The following PTPRG variants were observed in gnomAD, a reference collection of about 807,000 sequenced individuals.
PTPRG encodes the protein receptor-type tyrosine-protein phosphatase gamma.
A neutral mutation model predicts 165.3 loss-of-function variants in PTPRG; 102 were observed. The ratio of observed to expected loss-of-function variants is 0.62; its 90% CI spans 0.53 to 0.73. PTPRG has a LOEUF of 0.73. Among genes scored for constraint, PTPRG ranks in the 30% least tolerant of loss-of-function variants. PTPRG has a pLI of 0.00. For missense variants in PTPRG, 1,866 were observed against 1,861.4 expected, an observed-to-expected ratio of 1.00 and a Z score of -0.05; for synonymous variants, 675 against 669.5, an observed-to-expected ratio of 1.01 and a Z score of -0.13.
rs1233679653 is a variant in PTPRG at position 61,995,080 on chromosome 3, C to CTTTTTTTTT, written c.370+5279_370+5280insTTTTTTTTT. 2.1e-4 allele frequency among the ~76,000 whole-genome samples: 23 copies of CTTTTTTTTT among 107,384 alleles called. 1 individual carries two copies. Among genetic ancestry groups the CTTTTTTTTT allele is most frequent in the East Asian group, 1.1e-3 (4 of 3,696 alleles). 70.4% of individuals were successfully genotyped at this position (107,384 alleles called of 152,430 possible). ...TTCTTTTTTCTTTTTTCTTTTCTTTCTTTCTTTTTTTTTTTTTTTTTTTTT... is the reference window on the plus strand; with the variant it reads ...TTCTTTTTTCTTTTTTCTTTTCTTTCTTTTTTTTTTTTCTTTTTTTTTTTTTTTTTTTTT... On this transcript the variant is annotated intron_variant, in intron 3 of 29. Coordinates refer to ENST00000474889, the MANE Select transcript of PTPRG (RefSeq NM_002841.4).
At chr3:61,877,208 T>G (rs973476407) in intron 2 of PTPRG, among the ~76,000 whole-genome samples, 1 of 152,232 alleles carries the variant, frequency 6.6e-6, no homozygotes, top group Admixed American at 6.5e-5. Context: ...CCACAGTTTC[T>G]GGCTTTTATT....
intron 2 of PTPRG, among the ~76,000 whole-genome samples, chr3:61,784,190 C>T (rs2034626554): frequency 6.6e-6 from 1 of 152,120 alleles, no homozygotes; most frequent in Non-Finnish European, 1.5e-5. Flanking sequence ...TTGGTGATGT[C>T]AGCGGGGCCA....
chr3:61,797,581 A>ACCACCC (rs2035088327), intron 2 of PTPRG, among the ~76,000 whole-genome samples: 2 of 127,372 alleles, frequency 1.6e-5, no homozygotes, highest in East Asian at 2.4e-4. Context: ...TTATCTCCAC[A>ACCACCC]CCCCCCCCCA....
At chr3:62,023,952 T>C (rs532016466) in intron 4 of PTPRG, among the ~76,000 whole-genome samples, 1 of 152,274 alleles carries the variant, frequency 6.6e-6, no homozygotes, top group African/African-American at 2.4e-5. Context: ...GAAAAGCTTA[T>C]CTTAGGATGT....
At chr3:62,071,336 C>T (rs1220765298) in intron 4 of PTPRG, among the ~76,000 whole-genome samples, 1 of 152,154 alleles carries the variant, frequency 6.6e-6, no homozygotes, top group Non-Finnish European at 1.5e-5. Context: ...GTTTTCTACT[C>T]TCATGTTGGG....
chr3:62,200,338 T>C (rs2106831275), intron 10 of PTPRG, among the ~76,000 whole-genome samples: 1 of 152,318 alleles, frequency 6.6e-6, no homozygotes, highest in South Asian at 2.1e-4. Flanking sequence ...TGATGCAATC[T>C]CTGCTCACTG....
At chr3:62,081,518 A>AT (rs532593280) in intron 5 of PTPRG, among the ~76,000 whole-genome samples, 1 of 151,720 alleles carries the variant, frequency 6.6e-6, no homozygotes, top group South Asian at 2.1e-4. Flanking sequence ...TAATTTTCTT[A>AT]TTTTTTTGTA....
intron 4 of PTPRG, among the ~76,000 whole-genome samples, chr3:62,064,766 G>C (rs1378726929): frequency 2.9e-5 from 2 of 68,088 alleles, no homozygotes; most frequent in African/African-American, 5.9e-5. Context: ...GAGTTTCACT[G>C]TTCTTGCCCA....
chr3:61,578,318 C>T (rs963382530), intron 1 of PTPRG, among the ~76,000 whole-genome samples: 1 of 152,176 alleles, frequency 6.6e-6, no homozygotes, highest in Non-Finnish European at 1.5e-5. Flanking sequence ...TGATATAATC[C>T]ATTGCAGCAA....
At chr3:61,785,802 TAG>T (rs1447422503) in intron 2 of PTPRG, among the ~76,000 whole-genome samples, 1 of 152,068 alleles carries the variant, frequency 6.6e-6, no homozygotes, top group Non-Finnish European at 1.5e-5. Context: ...GTTGAACATA[TAG>T]GTAGGGTCAT....
intron 1 of PTPRG, among the ~76,000 whole-genome samples, chr3:61,600,452 G>A (rs1179930141): frequency 6.6e-6 from 1 of 151,932 alleles, no homozygotes; most frequent in African/African-American, 2.4e-5. Flanking sequence ...ATTTGTCAGG[G>A]GTAATTTTGA....
intron 3 of PTPRG, among the ~76,000 whole-genome samples, chr3:61,996,971 T>C (rs1258029148): frequency 6.6e-6 from 1 of 152,228 alleles, no homozygotes; most frequent in Non-Finnish European, 1.5e-5. Context: ...TTACCCTGAA[T>C]GTTACAGGCC....
chr3:61,609,044 C>A (rs1023639234), intron 1 of PTPRG, among the ~76,000 whole-genome samples: 1 of 152,136 alleles, frequency 6.6e-6, no homozygotes, highest in Non-Finnish European at 1.5e-5. Context: ...GATACGGAAG[C>A]CTTTGGTCTC....
chr3:62,058,620 T>C (rs1286151047), intron 4 of PTPRG, among the ~76,000 whole-genome samples: 6 of 152,182 alleles, frequency 3.9e-5, no homozygotes, highest in Admixed American at 3.3e-4. Flanking sequence ...GGGGAGTTTA[T>C]GTCCTGAGTA....
At chr3:61,842,979 A>C (rs931684514) in intron 2 of PTPRG, among the ~76,000 whole-genome samples, 1 of 152,202 alleles carries the variant, frequency 6.6e-6, no homozygotes, top group African/African-American at 2.4e-5. Context: ...GCCACTGCAA[A>C]TCAAATGGAA....
intron 1 of PTPRG, among the ~76,000 whole-genome samples, chr3:61,641,233 C>T (rs1426478708): frequency 6.6e-6 from 1 of 152,126 alleles, no homozygotes; most frequent in East Asian, 1.9e-4. Context: ...CCCCCTCCCT[C>T]CCTGAAATAT....
intron 1 of PTPRG, among the ~76,000 whole-genome samples, chr3:61,664,594 C>T (rs894831539): frequency 6.6e-6 from 1 of 152,170 alleles, no homozygotes; most frequent in Non-Finnish European, 1.5e-5. Context: ...TTTGGGAAGC[C>T]AAGGCTGGTA....
chr3:62,139,330 G>A (rs1703835865), intron 6 of PTPRG, among the ~76,000 whole-genome samples: 1 of 152,012 alleles, frequency 6.6e-6, no homozygotes, highest in African/African-American at 2.4e-5. Context: ...TTGGTGGCGG[G>A]CACCTGTAAT....
At chr3:61,706,049 G>A (rs1478510774) in intron 1 of PTPRG, among the ~76,000 whole-genome samples, 4 of 152,242 alleles carry the variant, frequency 2.6e-5, no homozygotes, top group East Asian at 3.9e-4. Context: ...TCCCCACTTC[G>A]GGTCTGCAGA....
Sources: gnomAD v4.1 joint callset for allele counts (sites outside exome capture counted in the v4.1 genomes callset) on GRCh38, gnomAD v4.1.1 for gene constraint, MANE v1.5 for transcripts, NCBI Gene and HGNC (gene_info 2026-07-23, HGNC 2026-07-21) for gene names.